Variants in PPARGC1A observed in about 807,000 individuals in gnomAD.
PPARGC1A encodes peroxisome proliferator-activated receptor gamma coactivator 1-alpha.
Under a neutral mutation model 88.7 loss-of-function variants are expected in PPARGC1A, and 25 were observed. The ratio of observed to expected loss-of-function variants is 0.28; its 90% CI spans 0.21 to 0.39. PPARGC1A has a LOEUF of 0.39. Ranked by LOEUF, PPARGC1A falls within the 10% of genes least tolerant of loss-of-function variation. The pLI, the probability that PPARGC1A is intolerant of heterozygous loss-of-function variation, is 1.00. For missense variants in PPARGC1A, 880 were observed against 968.7 expected (o/e 0.91, Z 1.22); for synonymous variants, 363 against 355.6 (o/e 1.02, Z -0.24).
intron 10 of PPARGC1A, among the ~76,000 whole-genome samples, chr4:23,803,015 C>G (rs57829442): frequency 0.073 from 11,176 of 152,116 alleles, 462 homozygotes; most frequent in East Asian, 0.18. Flanking sequence ...ACATTTGTGA[C>G]TTGATTATGA....
the PPARGC1A span, among the ~76,000 whole-genome samples, chr4:24,250,390 T>C: frequency 6.6e-6 from 1 of 152,234 alleles, no homozygotes; most frequent in Non-Finnish European, 1.5e-5. Flanking sequence ...CTTAGGATTA[T>C]CTGAGCTTTT....
the PPARGC1A span, among the ~76,000 whole-genome samples, chr4:24,086,029 T>G: frequency 6.6e-6 from 1 of 152,200 alleles, no homozygotes; most frequent in African/African-American, 2.4e-5. Flanking sequence ...ACTATCATTG[T>G]TAACTGTTCC....
chr4:23,961,996 G>A, the PPARGC1A span, among the ~76,000 whole-genome samples: 8 of 152,098 alleles, frequency 5.3e-5, no homozygotes, highest in Non-Finnish European at 8.8e-5. Flanking sequence ...GCACTGTTAG[G>A]TGCCATTTCC....
At chr4:24,307,693 T>G in the PPARGC1A span, among the ~76,000 whole-genome samples, 1 of 152,228 alleles carries the variant, frequency 6.6e-6, no homozygotes, top group Admixed American at 6.5e-5. Flanking sequence ...GAAGTCTTGA[T>G]TCAGTACCAG....
At chr4:24,067,240 A>C in the PPARGC1A span, among the ~76,000 whole-genome samples, 2 of 151,508 alleles carry the variant, frequency 1.3e-5, no homozygotes, top group African/African-American at 4.8e-5. Context: ...TAAAAATTCA[A>C]TTTTCAAAGC....
At chr4:24,184,099 G>A in the PPARGC1A span, among the ~76,000 whole-genome samples, 1 of 152,170 alleles carries the variant, frequency 6.6e-6, no homozygotes, top group Non-Finnish European at 1.5e-5. Context: ...GAACTGCTAA[G>A]CTACCTGGAA....
At chr4:24,003,931 T>C in the PPARGC1A span, among the ~76,000 whole-genome samples, 3 of 151,142 alleles carry the variant, frequency 2.0e-5, no homozygotes, top group African/African-American at 7.3e-5. Flanking sequence ...TAAGGCAAAA[T>C]CTAAATGGAA....
the PPARGC1A span, among the ~76,000 whole-genome samples, chr4:24,298,056 A>G: frequency 6.6e-6 from 1 of 152,070 alleles, no homozygotes; most frequent in Non-Finnish European, 1.5e-5. Flanking sequence ...CTTACCAGCC[A>G]CCTCCATGGA....
chr4:24,317,224 A>G, the PPARGC1A span, among the ~76,000 whole-genome samples: 7 of 152,040 alleles, frequency 4.6e-5, no homozygotes, highest in East Asian at 1.9e-4. Context: ...TTCAAACACT[A>G]TATACTGCAA....
the PPARGC1A span, among the ~76,000 whole-genome samples, chr4:24,232,852 A>AT: frequency 3.3e-5 from 5 of 152,242 alleles, no homozygotes; most frequent in African/African-American, 1.2e-4. Flanking sequence ...AAGTAGTAAC[A>AT]TTTTGGCTAA....
the PPARGC1A span, among the ~76,000 whole-genome samples, chr4:24,194,043 C>T: frequency 7.9e-3 from 1,155 of 146,446 alleles, 11 homozygotes; most frequent in Middle Eastern, 0.028. Context: ...GCAGGAGAAT[C>T]GCTTGAACCT....
chr4:24,164,442 A>T, the PPARGC1A span, among the ~76,000 whole-genome samples: 15,739 of 152,200 alleles, frequency 0.1, 1,049 homozygotes, highest in Non-Finnish European at 0.14. Flanking sequence ...CACAGCTGGA[A>T]GTTATTCCAC....
At chr4:24,364,965 C>A in the PPARGC1A span, among the ~76,000 whole-genome samples, 1 of 152,164 alleles carries the variant, frequency 6.6e-6, no homozygotes, top group South Asian at 2.1e-4. Flanking sequence ...TACTAACTCT[C>A]ACCATATACC....
chr4:24,223,657 A>G, the PPARGC1A span, among the ~76,000 whole-genome samples: 1 of 152,256 alleles, frequency 6.6e-6, no homozygotes. Flanking sequence ...CTGTTATGAA[A>G]GCAATGATGC....
chr4:24,004,066 G>A, the PPARGC1A span, among the ~76,000 whole-genome samples: 5 of 152,130 alleles, frequency 3.3e-5, no homozygotes, highest in Admixed American at 6.5e-5. Flanking sequence ...CTGAAACACT[G>A]AGCAATAGAT....
At chr4:24,354,865 C>G in the PPARGC1A span, among the ~76,000 whole-genome samples, 4 of 151,460 alleles carry the variant, frequency 2.6e-5, no homozygotes, top group South Asian at 6.3e-4. Context: ...CCAGCATGGG[C>G]GACAGAGCAA....
At chr4:23,937,011 C>G in the PPARGC1A span, among the ~76,000 whole-genome samples, 1 of 152,002 alleles carries the variant, frequency 6.6e-6, no homozygotes, top group Non-Finnish European at 1.5e-5. Flanking sequence ...TAAGAAGGCA[C>G]TTCTGTGCGA....
chr4:24,285,480 C>T, the PPARGC1A span, among the ~76,000 whole-genome samples: 23 of 152,106 alleles, frequency 1.5e-4, no homozygotes, highest in East Asian at 5.8e-4. Flanking sequence ...AGAAGTGACA[C>T]GACTTGATGT....
At chr4:24,384,224 A>T in the PPARGC1A span, among the ~76,000 whole-genome samples, 1 of 152,284 alleles carries the variant, frequency 6.6e-6, no homozygotes, top group African/African-American at 2.4e-5. Context: ...ACAAGAGCTC[A>T]TGAAGGAAGC....
Sources: allele counts gnomAD v4.1 joint callset (sites outside exome capture counted in the v4.1 genomes callset), GRCh38; gene constraint gnomAD v4.1.1; transcripts MANE v1.5; gene names NCBI Gene and HGNC (gene_info 2026-07-23, HGNC 2026-07-21).